Variants in ANK2 observed in about 807,000 individuals in gnomAD.
ANK2 encodes the protein ankyrin-2.
A neutral mutation model predicts 360.5 loss-of-function variants in ANK2; 83 were observed. That is an observed-to-expected ratio of 0.23 (90% CI 0.19 to 0.28). ANK2 has a LOEUF of 0.28. Among genes scored for constraint, ANK2 ranks in the 10% least tolerant of loss-of-function variants. ANK2 has a pLI of 1.00. For synonymous variants in ANK2, 1,740 were observed against 1,759.5 expected (o/e 0.99, Z 0.28); for missense variants, 4,201 against 4,795.7 (o/e 0.88, Z 3.66).
the ANK2 span, among the ~76,000 whole-genome samples, chr4:112,752,556 T>A: frequency 1.4e-5 from 2 of 148,042 alleles, no homozygotes; most frequent in Non-Finnish European, 3.0e-5. Context: ...TTTTTTTTTT[T>A]AACTTTTTTT....
intron 14 of ANK2, among the ~76,000 whole-genome samples, chr4:113,267,727 A>T (rs2056801173): frequency 6.6e-6 from 1 of 152,210 alleles, no homozygotes; most frequent in African/African-American, 2.4e-5. Flanking sequence ...TGTCTTGGCC[A>T]TATGGGCTCT....
chr4:113,331,856 C>T, intron 27 of ANK2, 116 bp from the exon 28 acceptor site: 2 of 947,842 alleles, frequency 2.1e-6, no homozygotes, highest in Admixed American at 1.7e-5. Flanking sequence ...GAACCAAACG[C>T]AGTGTGAAAC....
intron 2 of ANK2, among the ~76,000 whole-genome samples, chr4:113,027,760 A>G (rs1294674681): frequency 6.6e-6 from 1 of 152,084 alleles, no homozygotes; most frequent in Admixed American, 6.6e-5. Flanking sequence ...AAATAAATAT[A>G]AATAAATAGA....
At chr4:113,239,153 A>G (rs1351223693) in intron 7 of ANK2, among the ~76,000 whole-genome samples, 2 of 152,208 alleles carry the variant, frequency 1.3e-5, no homozygotes, top group African/African-American at 2.4e-5. Flanking sequence ...TGACATGAAT[A>G]TTGGCATTAT....
Position 113,372,732 on chromosome 4 carries a change from G to A in ANK2, c.11611-358G>A, listed in dbSNP as rs2096785075. ...TTGGCATGTTCCTTAGGTAGTGCATGGCCATTCAAAAGCAGATCCCTTAAC... is the reference window on the plus strand; with the variant it reads ...TTGGCATGTTCCTTAGGTAGTGCATAGCCATTCAAAAGCAGATCCCTTAAC... On this transcript the variant is annotated intron_variant, in intron 43 of 45. Coordinates refer to ENST00000357077, the MANE Select transcript of ANK2 (RefSeq NM_001148.6). The A allele has an allele frequency of 9.2e-6, 7 of 762,248 alleles. No individual in the cohort carries two copies. The South Asian group carries it at 1.2e-4, about 13-fold the overall frequency. The allele number at this position is 762,248 out of a possible 1,614,324, so 47.2% of individuals were successfully genotyped here.
intron 1 of ANK2, among the ~76,000 whole-genome samples, chr4:113,137,171 C>G (rs1253712908): frequency 6.6e-6 from 1 of 152,176 alleles, no homozygotes; most frequent in Admixed American, 6.5e-5. Flanking sequence ...ATAGGGAGTT[C>G]CTTGAATAGG....
chr4:113,062,504 T>C (rs1195031116), intron 1 of ANK2, among the ~76,000 whole-genome samples: 5 of 152,122 alleles, frequency 3.3e-5, no homozygotes, highest in Non-Finnish European at 7.4e-5. Context: ...TACATATCAC[T>C]CTTTTATAGT....
At chr4:113,361,109 ACTTT>A (rs1564082714) in intron 39 of ANK2, among the ~76,000 whole-genome samples, 1 of 152,160 alleles carries the variant, frequency 6.6e-6, no homozygotes, top group African/African-American at 2.4e-5. Context: ...GAATAATAGA[ACTTT>A]CTATTTGAAG....
intron 1 of ANK2, among the ~76,000 whole-genome samples, chr4:113,071,482 T>C (rs1187011092): frequency 6.6e-6 from 1 of 152,206 alleles, no homozygotes; most frequent in African/African-American, 2.4e-5. Context: ...CCTGGCTGCC[T>C]AGATAATGCT....
chr4:113,365,208 TG>T, intron 41 of ANK2, 26 bp downstream of exon 41: 1 of 1,537,660 alleles, frequency 6.5e-7, no homozygotes. Flanking sequence ...TGTATGTGTG[TG>T]TGTGTGTGTG....
At chr4:112,747,377 C>A in the ANK2 span, among the ~76,000 whole-genome samples, 1 of 152,184 alleles carries the variant, frequency 6.6e-6, no homozygotes, top group East Asian at 1.9e-4. Context: ...AAAGCCTTGT[C>A]ACGGGACTTT....
chr4:113,163,486 C>T (rs757622445), intron 1 of ANK2, among the ~76,000 whole-genome samples: 15 of 151,472 alleles, frequency 9.9e-5, no homozygotes, highest in African/African-American at 9.7e-5. Flanking sequence ...AAGCTTTGGC[C>T]GGGCACGGTG....
chr4:113,288,903 A>G (rs1013999481), intron 20 of ANK2, among the ~76,000 whole-genome samples: 1 of 152,108 alleles, frequency 6.6e-6, no homozygotes, highest in Admixed American at 6.5e-5. Flanking sequence ...ACTCTGTCAC[A>G]TTCAGAACAT....
At chr4:112,712,023 C>G in the ANK2 span, among the ~76,000 whole-genome samples, 1 of 149,138 alleles carries the variant, frequency 6.7e-6, no homozygotes, top group African/African-American at 2.4e-5. Context: ...ATATTTTTGT[C>G]AAGATGTTAC....
At chr4:113,148,038 T>A (rs1253669236) in intron 1 of ANK2, among the ~76,000 whole-genome samples, 1 of 152,230 alleles carries the variant, frequency 6.6e-6, no homozygotes, top group African/African-American at 2.4e-5. Flanking sequence ...CTCTTGGAGA[T>A]GCCTTACAGA....
Position 113,380,609 on chromosome 4 carries a change from C to T in ANK2, c.11860-848C>T, listed in dbSNP as rs149023070. 1.0e-3 allele frequency among the ~76,000 whole-genome samples: 153 copies of T among 152,334 alleles called. 2 individuals carry two copies. The East Asian group carries it at 0.029, about 29-fold the overall frequency. On this transcript the variant is annotated intron_variant, in intron 45 of 45. Transcript: ENST00000357077. ...CCCGGGAGGCAGAGGTTGCAGTGAG[C>T]CAAGATCGCACCAATGCACTCCAGC... is the stretch of plus-strand genomic sequence containing the variant.
chr4:112,950,691 A>T (rs2154252574), intron 2 of ANK2, among the ~76,000 whole-genome samples: 1 of 151,818 alleles, frequency 6.6e-6, no homozygotes, highest in East Asian at 1.9e-4. Flanking sequence ...AAAAATAAAA[A>T]TACCTAGCAT....
At chr4:112,851,251 TTAA>T (rs1267973762) in intron 1 of ANK2, among the ~76,000 whole-genome samples, 1 of 152,204 alleles carries the variant, frequency 6.6e-6, no homozygotes, top group Non-Finnish European at 1.5e-5. Flanking sequence ...GCACCCCTTG[TTAA>T]TAATTGCCAT....
chr4:113,258,663 G>A (rs1464918286), intron 13 of ANK2, among the ~76,000 whole-genome samples: 3 of 152,176 alleles, frequency 2.0e-5, no homozygotes, highest in East Asian at 1.9e-4. Context: ...GGTGTAGGTG[G>A]ATTGAACATG....
Sources: gnomAD v4.1 joint callset for allele counts (sites outside exome capture counted in the v4.1 genomes callset) on GRCh38, gnomAD v4.1.1 for gene constraint, MANE v1.5 for transcripts, NCBI Gene and HGNC (gene_info 2026-07-23, HGNC 2026-07-21) for gene names.